Variants in RSU1 observed in about 807,000 individuals in gnomAD.
RSU1 encodes Ras suppressor protein 1, also known as rsu-1.
A neutral mutation model predicts 31.1 loss-of-function variants in RSU1; 26 were observed. That is an observed-to-expected ratio of 0.84 (90% CI 0.61 to 1.16). The LOEUF is 1.16. Among genes scored for constraint, RSU1 ranks in the 50% most tolerant of loss-of-function variants. RSU1 has a pLI of 0.00. For synonymous variants in RSU1, 164 were observed against 136.3 expected (o/e 1.20, Z -1.41); for missense variants, 320 against 339.1 (o/e 0.94, Z 0.44).
intron 8 of RSU1, among the ~76,000 whole-genome samples, chr10:16,599,022 C>T (rs1301673275): frequency 1.3e-5 from 2 of 152,230 alleles, no homozygotes; most frequent in Admixed American, 1.3e-4. Flanking sequence ...GTGCAAACAG[C>T]TTTGCAAACT....
At chr10:16,629,349 T>G (rs1588682824) in intron 8 of RSU1, among the ~76,000 whole-genome samples, 1 of 152,068 alleles carries the variant, frequency 6.6e-6, no homozygotes, top group East Asian at 1.9e-4. Flanking sequence ...GAACTGCCAA[T>G]CTCTACCTGT....
rs149100791 is a variant in RSU1, at chr10:16,649,858, G to A, written c.731+45165C>T. On this transcript the variant is annotated intron_variant, in intron 8 of 8. Coordinates refer to ENST00000345264, the MANE Select transcript of RSU1 (RefSeq NM_012425.4). ...GGGAAAAAACCCCACCATTCATACAGCAATAAAGTCCCAATTTATCACTGT... is the reference window on the plus strand; with the variant it reads ...GGGAAAAAACCCCACCATTCATACAACAATAAAGTCCCAATTTATCACTGT... Among the ~76,000 whole-genome samples, 5 of 99,872 alleles carry A rather than the reference G, an allele frequency of 5.0e-5. No individual in the cohort carries two copies. In the East Asian group the frequency reaches 1.5e-3, roughly 29 times the overall value. 65.5% of individuals were successfully genotyped at this position (99,872 alleles called of 152,430 possible). A position where few individuals can be genotyped will look rare whatever the true frequency, so the allele number is the denominator to read the frequency against.
chr10:16,809,526 C>T (rs544347351), intron 2 of RSU1, among the ~76,000 whole-genome samples: 58 of 152,294 alleles, frequency 3.8e-4, no homozygotes, highest in African/African-American at 1.4e-3. Context: ...CTGACCCCTG[C>T]TGCTCACACA....
intron 7 of RSU1, among the ~76,000 whole-genome samples, chr10:16,737,998 C>T (rs756292770): frequency 1.1e-4 from 17 of 152,052 alleles, no homozygotes; most frequent in South Asian, 8.3e-4. Context: ...CGGATATCTC[C>T]GAATACTTGA....
At chr10:16,712,714 G>A (rs1286689080) in intron 7 of RSU1, among the ~76,000 whole-genome samples, 1 of 152,052 alleles carries the variant, frequency 6.6e-6, no homozygotes, top group African/African-American at 2.4e-5. Context: ...TGACTTCTAA[G>A]TCTTCATACT....
intron 7 of RSU1, among the ~76,000 whole-genome samples, chr10:16,700,160 T>C (rs1468859729): frequency 6.6e-6 from 1 of 152,180 alleles, no homozygotes; most frequent in Non-Finnish European, 1.5e-5. Context: ...AGCGGCACCA[T>C]TTATCACATA....
intron 7 of RSU1, among the ~76,000 whole-genome samples, chr10:16,711,154 C>G (rs917461773): frequency 7.2e-5 from 11 of 152,088 alleles, no homozygotes; most frequent in African/African-American, 2.7e-4. Context: ...TGTATATGTC[C>G]AAGAACTTAT....
intron 3 of RSU1, among the ~76,000 whole-genome samples, chr10:16,775,017 C>A: frequency 6.6e-6 from 1 of 151,982 alleles, no homozygotes; most frequent in East Asian, 1.9e-4. Context: ...GTACTCCAAC[C>A]TGGGTGATAA....
At chr10:16,808,079 T>C (rs568814374) in intron 2 of RSU1, among the ~76,000 whole-genome samples, 1 of 150,722 alleles carries the variant, frequency 6.6e-6, no homozygotes, top group East Asian at 2.0e-4. Flanking sequence ...AGGCAGGCCC[T>C]AGGAGTCACC....
intron 8 of RSU1, among the ~76,000 whole-genome samples, chr10:16,597,289 T>A (rs558731581): frequency 1.1e-4 from 16 of 152,322 alleles, no homozygotes; most frequent in African/African-American, 3.8e-4. Flanking sequence ...TGCAGGGCTC[T>A]TCTCCTTTTT....
At position 16,669,380 on chromosome 10, in the gene RSU1, C is replaced by G. The variant is rs371217047; in HGVS notation, c.731+25643G>C. Among the ~76,000 whole-genome samples the G allele has an allele frequency of 3.9e-5, 6 of 151,966 alleles. No individual in the cohort carries two copies. In the South Asian group the frequency reaches 6.3e-4, roughly 16 times the overall value. ...AACATTTTCTGTTTTTTTTCCCCCCCCAAAGCACCATACTGCTTTTTAACC... is the reference window on the plus strand; with the variant it reads ...AACATTTTCTGTTTTTTTTCCCCCCGCAAAGCACCATACTGCTTTTTAACC... On this transcript the variant is annotated intron_variant, in intron 8 of 8. Coordinates refer to ENST00000345264, the MANE Select transcript of RSU1 (RefSeq NM_012425.4).
chr10:16,764,330 T>C (rs1837268725), intron 4 of RSU1, 60 bp downstream of exon 4: 2 of 1,505,354 alleles, frequency 1.3e-6, no homozygotes, highest in Non-Finnish European at 1.8e-6. Context: ...CCCCTGGCCT[T>C]ACCCGGCATG....
At position 16,695,132 on chromosome 10, in the gene RSU1, T is replaced by C. The variant is rs375646999; in HGVS notation, c.622A>G (p.Lys208Glu). ...ELGNLDLTGQKQVFKAENNPW... is the reference protein window; with the variant it reads ...ELGNLDLTGQEQVFKAENNPW... ...TTGTTCTCTGCTTTGAATACCTGCT[T>C]CTGGCCAGTTAAATCCAAGTTTCCT... Residue 208 changes from lysine to glutamate, a missense_variant, in exon 8 of 9, where the codon AAG becomes GAG. Lys to Glu is a moderately conservative substitution (Grantham distance 56). Transcript: ENST00000345264. 1 of 1,402,450 alleles carries C rather than the reference T, an allele frequency of 7.1e-7. No homozygotes were observed. The highest frequency in any genetic ancestry group is 2.9e-5 in the East Asian group (1 of 34,138). 86.9% of individuals were successfully genotyped at this position (1,402,450 alleles called of 1,614,324 possible). A position where few individuals can be genotyped will look rare whatever the true frequency, so the allele number is the denominator to read the frequency against.
chr10:16,608,483 G>T (rs1040630678), intron 8 of RSU1, among the ~76,000 whole-genome samples: 1 of 152,098 alleles, frequency 6.6e-6, no homozygotes, highest in Non-Finnish European at 1.5e-5. Context: ...GAAGCAGCTC[G>T]GAGAAGCTGC....
chr10:16,682,349 T>A (rs1448871076), intron 8 of RSU1, among the ~76,000 whole-genome samples: 1 of 152,194 alleles, frequency 6.6e-6, no homozygotes. Context: ...AGACTGATAA[T>A]GTTGACTAAA....
intron 7 of RSU1, among the ~76,000 whole-genome samples, chr10:16,740,669 G>A (rs1341007006): frequency 6.6e-6 from 1 of 151,990 alleles, no homozygotes; most frequent in Middle Eastern, 3.2e-3. Context: ...CCACATACTA[G>A]CAACCAACAA....
At chr10:16,783,917 A>G (rs1837713737) in intron 2 of RSU1, among the ~76,000 whole-genome samples, 1 of 152,100 alleles carries the variant, frequency 6.6e-6, no homozygotes, top group Non-Finnish European at 1.5e-5. Flanking sequence ...TGTCCCAATC[A>G]TTTATTTTAG....
At chr10:16,704,483 G>T (rs1835855573) in intron 7 of RSU1, among the ~76,000 whole-genome samples, 1 of 152,286 alleles carries the variant, frequency 6.6e-6, no homozygotes. Context: ...CAGAGGCCTT[G>T]GTCTTTCCAG....
intron 8 of RSU1, among the ~76,000 whole-genome samples, chr10:16,645,975 T>C (rs916994107): frequency 1.2e-5 from 1 of 82,120 alleles, no homozygotes; most frequent in Non-Finnish European, 2.2e-5. Flanking sequence ...TGTATATATA[T>C]GTGTATATAC....
Sources: allele counts gnomAD v4.1 joint callset (sites outside exome capture counted in the v4.1 genomes callset), GRCh38; gene constraint gnomAD v4.1.1; transcripts MANE v1.5; gene names NCBI Gene and HGNC (gene_info 2026-07-23, HGNC 2026-07-21).